Variants in XPO4 observed in about 807,000 individuals in gnomAD.
The protein encoded by XPO4 is exportin 4, also known as exportin-4.
Under a neutral mutation model 143.0 loss-of-function variants are expected in XPO4, and 39 were observed. The observed-to-expected ratio is 0.27, with a 90% CI of 0.21 to 0.36. The LOEUF is 0.36. Among genes scored for constraint, XPO4 ranks in the 10% least tolerant of loss-of-function variants. The pLI is 1.00. For synonymous variants in XPO4, 439 were observed against 474.0 expected (o/e 0.93, Z 0.96); for missense variants, 907 against 1,348.0 (o/e 0.67, Z 5.12).
rs374916278 is a variant in XPO4, at chr13:20,818,621, A to T, written c.1173+3083T>A. On this transcript the variant is annotated intron_variant, in intron 9 of 22. Coordinates refer to ENST00000255305, the MANE Select transcript of XPO4 (RefSeq NM_022459.5). ...ATTTCACAAAATTACAATTATAAAA[A>T]TCATTTAAAAAATAATTTTAAAAAA... is the stretch of plus-strand genomic sequence containing the variant. Among the ~76,000 whole-genome samples, 9 of 152,346 alleles carry T rather than the reference A, an allele frequency of 5.9e-5. No individual in the cohort carries two copies. The South Asian group carries it at 1.9e-3, about 32-fold the overall frequency.
chr13:20,795,007 T>TTA (rs35799572), intron 18 of XPO4, among the ~76,000 whole-genome samples: 2 of 134,538 alleles, frequency 1.5e-5, no homozygotes, highest in Non-Finnish European at 3.2e-5. Flanking sequence ...CCCAAGAATT[T>TTA]AAAAAAAAAA....
At chr13:20,788,294 T>G (rs1432169900) in intron 20 of XPO4, among the ~76,000 whole-genome samples, 192 bp downstream of exon 20, 2 of 152,082 alleles carry the variant, frequency 1.3e-5, no homozygotes, top group African/African-American at 4.8e-5. Flanking sequence ...TGACCTCAGG[T>G]GATCCACCCG....
In XPO4 at chr13:20,855,630, A is replaced by G. The variant is rs1339145581; in HGVS notation, c.453T>C (p.Thr151=). Residue 151 remains threonine (T), a synonymous_variant, in exon 4 of 23, where the codon ACT becomes ACC. Transcript: ENST00000255305. ...TAAATACAAATAGCACACTTACCAC[A>G]GTGGGATTGCCACTACTAATCAACT... ...VSQLISSGNP[T]VQTLACSILT... 24 of 1,599,948 alleles carry G rather than the reference A, an allele frequency of 1.5e-5. No individual in the cohort carries two copies. The highest frequency in any genetic ancestry group is 2.0e-5 in the Non-Finnish European group (23 of 1,176,448).
chr13:20,804,938 T>G (rs2059484497), intron 13 of XPO4, among the ~76,000 whole-genome samples: 1 of 143,048 alleles, frequency 7.0e-6, no homozygotes, highest in Non-Finnish European at 1.5e-5. Context: ...ACTCTCGGGT[T>G]TTTTTGCATT....
In XPO4 at chr13:20,800,213, T is replaced by C. The variant is rs527329141; in HGVS notation, c.2090A>G (p.Gln697Arg). The C allele has an allele frequency of 3.7e-6, 6 of 1,614,200 alleles. No individual in the cohort carries two copies. The Admixed American group carries it at 6.7e-5, about 18-fold the overall frequency. ...CTGCACAGTGTCATTTGCAAGGTCC[T>C]GCTCACTACTCCAGACTGAGAGGTT... ...ISNLSVWSSE[Q>R]DLANDTVQLL... Residue 697 changes from glutamine (Q) to arginine (R), a missense_variant, in exon 15 of 23, where the codon CAG becomes CGG. Gln to Arg is a conservative substitution (Grantham distance 43). Transcript: ENST00000255305.
intron 1 of XPO4, among the ~76,000 whole-genome samples, chr13:20,874,543 T>C (rs1028272004): frequency 2.0e-5 from 3 of 152,230 alleles, no homozygotes; most frequent in Non-Finnish European, 4.4e-5. Flanking sequence ...GGGGTCCTGA[T>C]AAAAGGTTAA....
At chr13:20,870,134 C>T (rs1299115295) in intron 1 of XPO4, among the ~76,000 whole-genome samples, 1 of 146,728 alleles carries the variant, frequency 6.8e-6, no homozygotes, top group East Asian at 2.1e-4. Flanking sequence ...TTTAACACTT[C>T]TTTAAAAAGA....
intron 4 of XPO4, among the ~76,000 whole-genome samples, chr13:20,855,153 C>A (rs1363846988): frequency 1.3e-5 from 2 of 151,890 alleles, no homozygotes; most frequent in Non-Finnish European, 2.9e-5. Context: ...ATATTATGTA[C>A]ATATATATTT....
At chr13:20,843,079 T>A (rs751443572) in intron 5 of XPO4, 31 bp from the exon 6 acceptor site, 17 of 1,548,052 alleles carry the variant, frequency 1.1e-5, no homozygotes, top group African/African-American at 1.4e-5. Context: ...ATATTTTATA[T>A]GAAAAATTTA....
intron 3 of XPO4, among the ~76,000 whole-genome samples, chr13:20,860,578 T>C (rs1017844606): frequency 1.3e-5 from 2 of 152,206 alleles, no homozygotes; most frequent in African/African-American, 4.8e-5. Context: ...GCTGACATTG[T>C]CAAGACCTCT....
At chr13:20,832,550 C>T (rs527463842) in intron 6 of XPO4, among the ~76,000 whole-genome samples, 32 of 152,264 alleles carry the variant, frequency 2.1e-4, no homozygotes, top group African/African-American at 4.1e-4. Flanking sequence ...GTAATAAATG[C>T]TTTACTCCCT....
intron 3 of XPO4, 83 bp downstream of exon 3, chr13:20,862,634 T>A: frequency 6.4e-7 from 1 of 1,573,404 alleles, no homozygotes; most frequent in East Asian, 2.3e-5. Flanking sequence ...CCAAAAGTTT[T>A]TAAAATGCAA....
In XPO4 at chr13:20,902,706, C is replaced by T. The variant is rs1313692426; in HGVS notation, c.33G>A (p.Val11=). MMAAALGPPE[V]IAQLENAAKV... ...TAGCCGCGTTCTCCAGCTGAGCGAT[C>T]ACTTCTGGGGGCCCCAGCGCCGCCG... Residue 11 remains valine, a synonymous_variant, in exon 1 of 23, where the codon GTG becomes GTA. Coordinates refer to ENST00000255305, the MANE Select transcript of XPO4 (RefSeq NM_022459.5). 6.3e-7 allele frequency: 1 copy of T among 1,584,712 alleles called. No individual in the cohort carries two copies. Among genetic ancestry groups the T allele is most frequent in the Non-Finnish European group, 8.6e-7 (1 of 1,166,056 alleles).
chr13:20,840,361 C>A lies in XPO4; in HGVS notation c.727+2534G>T, dbSNP rs569994013. On this transcript the variant is annotated intron_variant, in intron 6 of 22. Transcript: ENST00000255305. Reference sequence around the variant, plus strand: ...CAGCTGGGACTACAGGCACACACCACACACCTAGCTAATATTTGTATTTTT... The same window carrying A: ...CAGCTGGGACTACAGGCACACACCAAACACCTAGCTAATATTTGTATTTTT... Among the ~76,000 whole-genome samples the A allele has an allele frequency of 8.5e-4, 129 of 152,152 alleles. 3 individuals carry two copies. In the South Asian group the frequency reaches 0.026, roughly 30 times the overall value.
intron 6 of XPO4, among the ~76,000 whole-genome samples, chr13:20,831,363 CACATT>C (rs2059850022): frequency 6.6e-6 from 1 of 152,076 alleles, no homozygotes; most frequent in Non-Finnish European, 1.5e-5. Flanking sequence ...ATAATATCTG[CACATT>C]ACATTGTTTT....
At chr13:20,880,293 G>A (rs1040558212) in intron 1 of XPO4, among the ~76,000 whole-genome samples, 7 of 152,128 alleles carry the variant, frequency 4.6e-5, no homozygotes, top group Non-Finnish European at 8.8e-5. Context: ...TTAGCCGGGC[G>A]TGGTGGCACA....
chr13:20,787,381 G>A (rs772608237), intron 21 of XPO4, 100 bp downstream of exon 21: 33 of 1,168,432 alleles, frequency 2.8e-5, no homozygotes, highest in East Asian at 4.7e-5. Context: ...CCTTGCCCCC[G>A]AAAGAATGGA....
intron 18 of XPO4, among the ~76,000 whole-genome samples, chr13:20,795,360 C>T (rs1017065588): frequency 6.6e-6 from 1 of 152,196 alleles, no homozygotes; most frequent in Non-Finnish European, 1.5e-5. Flanking sequence ...CAGCAACTAT[C>T]TTTTACCTAC....
At chr13:20,834,040 T>C (rs1199660200) in intron 6 of XPO4, among the ~76,000 whole-genome samples, 1 of 152,094 alleles carries the variant, frequency 6.6e-6, no homozygotes, top group Admixed American at 6.6e-5. Context: ...CAGAGTAACA[T>C]GGGGCTACAA....
Sources: allele counts gnomAD v4.1 joint callset (sites outside exome capture counted in the v4.1 genomes callset), GRCh38; gene constraint gnomAD v4.1.1; transcripts MANE v1.5; gene names NCBI Gene and HGNC (gene_info 2026-07-23, HGNC 2026-07-21).